Variants in RORB observed in about 807,000 individuals in gnomAD.
RORB encodes the protein RAR related orphan receptor B.
Under a neutral mutation model 59.1 loss-of-function variants are expected in RORB, and 6 were observed. The observed-to-expected ratio is 0.10, with a 90% CI of 0.06 to 0.20. The LOEUF (loss-of-function observed/expected upper bound fraction) is 0.20, where lower values mean the gene tolerates loss of function less well. Ranked by LOEUF, RORB falls within the 10% of genes least tolerant of loss-of-function variation. The pLI is 1.00. For missense variants in RORB, 320 were observed against 560.5 expected, an observed-to-expected ratio of 0.57 and a Z score of 4.33; for synonymous variants, 215 against 204.5, an observed-to-expected ratio of 1.05 and a Z score of -0.44.
chr9:74,512,837 A>G (rs916999424), intron 1 of RORB, among the ~76,000 whole-genome samples: 1 of 152,298 alleles, frequency 6.6e-6, no homozygotes, highest in East Asian at 1.9e-4. Flanking sequence ...CTCCACAAAG[A>G]AAGATTGAAC....
chr9:74,618,202 A>T (rs1296763135), intron 1 of RORB, among the ~76,000 whole-genome samples: 1 of 152,148 alleles, frequency 6.6e-6, no homozygotes, highest in East Asian at 1.9e-4. Flanking sequence ...TGTGTATGTA[A>T]GTATTTGGGG....
chr9:74,644,370 T>C (rs1383880186), intron 4 of RORB, among the ~76,000 whole-genome samples: 2 of 152,270 alleles, frequency 1.3e-5, no homozygotes, highest in African/African-American at 2.4e-5. Context: ...GTTTTTACTA[T>C]ATCATGGGCC....
At chr9:74,502,126 T>C (rs1190202945) in intron 1 of RORB, among the ~76,000 whole-genome samples, 1 of 152,148 alleles carries the variant, frequency 6.6e-6, no homozygotes, top group African/African-American at 2.4e-5. Flanking sequence ...TTGATAATAC[T>C]AAACTATGAT....
chr9:74,581,549 C>T (rs1054331533), intron 1 of RORB, among the ~76,000 whole-genome samples: 1 of 152,162 alleles, frequency 6.6e-6, no homozygotes, highest in Non-Finnish European at 1.5e-5. Flanking sequence ...GAAGGTGTCT[C>T]CACCTGCTTG....
chr9:74,643,689 G>A (rs1344329982), intron 4 of RORB, among the ~76,000 whole-genome samples: 2 of 152,208 alleles, frequency 1.3e-5, no homozygotes, highest in African/African-American at 2.4e-5. Flanking sequence ...AGCAAACAGT[G>A]GCGATGTGAT....
chr9:74,500,009 T>C (rs545238581), intron 1 of RORB, among the ~76,000 whole-genome samples: 10 of 152,314 alleles, frequency 6.6e-5, no homozygotes, highest in African/African-American at 2.4e-4. Context: ...CTGTCCTGGT[T>C]CGCCACGGCG....
At chr9:74,513,526 G>A (rs1825969227) in intron 1 of RORB, among the ~76,000 whole-genome samples, 1 of 151,888 alleles carries the variant, frequency 6.6e-6, no homozygotes, top group African/African-American at 2.4e-5. Context: ...AATCTAGAAG[G>A]AATTTTAACT....
chr9:74,576,201 A>T (rs182346958), intron 1 of RORB, among the ~76,000 whole-genome samples: 1 of 152,236 alleles, frequency 6.6e-6, no homozygotes, highest in African/African-American at 2.4e-5. Flanking sequence ...TTACCTTGAG[A>T]CTTCTGGTAA....
intron 4 of RORB, among the ~76,000 whole-genome samples, chr9:74,660,387 A>C (rs1224417674): frequency 6.6e-6 from 1 of 152,300 alleles, no homozygotes; most frequent in African/African-American, 2.4e-5. Context: ...AAAACCCCTA[A>C]GTTGTGATCA....
In RORB at chr9:74,662,485, A is replaced by G; in HGVS notation, c.771A>G (p.Ala257=). The G allele has an allele frequency of 1.9e-6, 3 of 1,614,082 alleles. No homozygotes were observed. Among genetic ancestry groups the G allele is most frequent in the Admixed American group, 1.7e-5 (1 of 60,024 alleles). Reference sequence around the variant, plus strand: ...CTTCTCTCCTCAAGTCCAGGGAAGCACTGTGGCAACAATGTGCCATCCAGA... The same window carrying G: ...CTTCTCTCCTCAAGTCCAGGGAAGCGCTGTGGCAACAATGTGCCATCCAGA... ...IKAYQSKSRE[A]LWQQCAIQIT... is the part of the protein sequence containing the mutation. The change falls in exon 6 of 10, where the codon GCA becomes GCG. Residue 257 remains alanine, a synonymous_variant. Coordinates refer to ENST00000376896, the MANE Select transcript of RORB (RefSeq NM_006914.4).
At chr9:74,571,851 T>A (rs752603353) in intron 1 of RORB, among the ~76,000 whole-genome samples, 11 of 152,148 alleles carry the variant, frequency 7.2e-5, no homozygotes, top group Non-Finnish European at 1.5e-4. Flanking sequence ...TTGTAGTAAA[T>A]GCTTTCTGAG....
chr9:74,536,035 T>C (rs1826317534), intron 1 of RORB, among the ~76,000 whole-genome samples: 1 of 152,024 alleles, frequency 6.6e-6, no homozygotes, highest in Non-Finnish European at 1.5e-5. Flanking sequence ...ATCTAAAAAG[T>C]AAATTTATTA....
At chr9:74,501,729 A>C (rs181223349) in intron 1 of RORB, among the ~76,000 whole-genome samples, 2 of 149,918 alleles carry the variant, frequency 1.3e-5, no homozygotes, top group Admixed American at 6.8e-5. Context: ...TGAGTTTGTA[A>C]CAAGTATTAT....
chr9:74,565,593 A>C (rs1039664793), intron 1 of RORB, among the ~76,000 whole-genome samples: 1 of 152,188 alleles, frequency 6.6e-6, no homozygotes, highest in Non-Finnish European at 1.5e-5. Context: ...TAAATTTATC[A>C]ATTGTGAAGT....
At chr9:74,573,227 T>G (rs1222773805) in intron 1 of RORB, among the ~76,000 whole-genome samples, 1 of 152,144 alleles carries the variant, frequency 6.6e-6, no homozygotes, top group Non-Finnish European at 1.5e-5. Flanking sequence ...TGGCACATCT[T>G]GTAAAGAATT....
chr9:74,691,771 G>C lies in RORB; in HGVS notation c.*6153G>C, dbSNP rs1368293477. On this transcript the variant is annotated 3_prime_UTR_variant, in exon 10 of 10. Transcript: ENST00000376896. ...TTATGTACTTCTCAGTTTTTTAATG[G>C]AAACTGGTTGTAACAGTTTAAGCAT... The C allele has an allele frequency of 6.6e-6, 1 of 152,020 alleles. No individual in the cohort carries two copies. The highest frequency in any genetic ancestry group is 1.5e-5 in the Non-Finnish European group (1 of 68,014). 9.4% of individuals were successfully genotyped at this position (152,020 alleles called of 1,614,324 possible).
Position 74,497,906 on chromosome 9 carries a change from A to AT in RORB, c.-66dup. On this transcript the variant is annotated 5_prime_UTR_variant, in exon 1 of 10. Transcript: ENST00000376896. ...ACCTTCTTCACTCGTGCTGAGCGGG[A>AT]TTTTTGGGCTCTCCGGGGTTCGGGC... is the stretch of plus-strand genomic sequence containing the variant. 6.3e-7 allele frequency: 1 copy of AT among 1,588,418 alleles called. No individual in the cohort carries two copies. The highest frequency in any genetic ancestry group is 8.6e-7 in the Non-Finnish European group (1 of 1,164,898).
intron 1 of RORB, among the ~76,000 whole-genome samples, chr9:74,597,849 T>A (rs924422205): frequency 1.3e-5 from 2 of 151,962 alleles, no homozygotes; most frequent in Non-Finnish European, 2.9e-5. Context: ...TCCCAGCTAC[T>A]TGGGAGGCTG....
At chr9:74,621,047 C>T (rs1277873413) in intron 1 of RORB, among the ~76,000 whole-genome samples, 4 of 152,112 alleles carry the variant, frequency 2.6e-5, no homozygotes, top group African/African-American at 7.2e-5. Flanking sequence ...CACTCACCAA[C>T]CCCCCAGACA....
Sources: allele counts gnomAD v4.1 joint callset (sites outside exome capture counted in the v4.1 genomes callset), GRCh38; gene constraint gnomAD v4.1.1; transcripts MANE v1.5; gene names NCBI Gene and HGNC (gene_info 2026-07-23, HGNC 2026-07-21).